The following TRAF5 variants were observed in gnomAD, a reference collection of about 807,000 sequenced individuals.
TRAF5 encodes TNF receptor associated factor 5.
Under a neutral mutation model 64.5 loss-of-function variants are expected in TRAF5, and 48 were observed. That is an observed-to-expected ratio of 0.74 (90% CI 0.59 to 0.95). TRAF5 has a LOEUF of 0.95. Among genes scored for constraint, TRAF5 ranks in the 40% least tolerant of loss-of-function variants. The probability of loss-of-function intolerance (pLI) is 0.00; values close to 1 mark genes in which losing one functional copy is unlikely to be tolerated. For missense variants in TRAF5, 545 were observed against 662.8 expected (o/e 0.82, Z 1.95); for synonymous variants, 206 against 240.5 (o/e 0.86, Z 1.33).
intron 1 of TRAF5, among the ~76,000 whole-genome samples, chr1:211,328,709 C>A (rs1702083080): frequency 6.6e-6 from 1 of 152,180 alleles, no homozygotes; most frequent in African/African-American, 2.4e-5. Flanking sequence ...CTTAGACAAA[C>A]CTCCTCTGAT....
intron 9 of TRAF5, among the ~76,000 whole-genome samples, 180 bp downstream of exon 9, chr1:211,369,772 C>T (rs111915480): frequency 9.1e-4 from 139 of 152,238 alleles, no homozygotes; most frequent in African/African-American, 3.1e-3. Context: ...CATTTTGTCC[C>T]GTTTGCTTCA....
At chr1:211,360,454 T>C in intron 5 of TRAF5, 2 of 509,922 alleles carry the variant, frequency 3.9e-6, no homozygotes, top group East Asian at 3.3e-5. Context: ...ATGCTGGCAG[T>C]TCCCCAATCT....
chr1:211,347,067 C>T (rs191473503), intron 1 of TRAF5, among the ~76,000 whole-genome samples: 4 of 152,164 alleles, frequency 2.6e-5, no homozygotes, highest in Admixed American at 6.5e-5. Context: ...GATATATAAG[C>T]TCTATTTTTA....
chr1:211,360,811 A>G (rs1308987201), intron 6 of TRAF5, 32 bp downstream of exon 6: 3 of 1,577,738 alleles, frequency 1.9e-6, no homozygotes, highest in Non-Finnish European at 2.6e-6. Context: ...TGTAGATTTT[A>G]TGGAAGATAA....
At chr1:211,329,553 G>A (rs1702105688) in intron 1 of TRAF5, among the ~76,000 whole-genome samples, 1 of 152,194 alleles carries the variant, frequency 6.6e-6, no homozygotes, top group African/African-American at 2.4e-5. Context: ...CTAATCCCAA[G>A]TCTTCTTTCT....
At chr1:211,349,105 G>T (rs150017779) in intron 1 of TRAF5, among the ~76,000 whole-genome samples, 1 of 152,042 alleles carries the variant, frequency 6.6e-6, no homozygotes, top group East Asian at 1.9e-4. Flanking sequence ...CTACTGGGGA[G>T]GTTTAGGTGG....
Position 211,359,683 on chromosome 1 carries a change from C to T in TRAF5, c.379-229C>T, listed in dbSNP as rs1320256825. 13 of 468,092 alleles carry T rather than the reference C, an allele frequency of 2.8e-5. No individual in the cohort carries two copies. The East Asian group carries it at 3.9e-4, about 14-fold the overall frequency. 29.0% of individuals were successfully genotyped at this position (468,092 alleles called of 1,614,324 possible). A position where few individuals can be genotyped will look rare whatever the true frequency, so the allele number is the denominator to read the frequency against. On this transcript the variant is annotated intron_variant, in intron 4 of 10. Coordinates refer to ENST00000261464, the MANE Select transcript of TRAF5 (RefSeq NM_001033910.3). ...CTTCCCCTGTCCTCTGAATTTCCCC[C>T]AGCCAAGACTGGCTTTCCCATCTCT...
chr1:211,326,874 G>A lies in TRAF5; in HGVS notation c.-17G>A. On this transcript the variant is annotated 5_prime_UTR_variant, in exon 1 of 11. Transcript: ENST00000261464. The surrounding 1 kb of genome is among the most constrained non-coding windows in gnomAD (Gnocchi z 5.0). ...CCTGCAGACCGGCCTCGCGGAGCCCGCGCGCCGAGCCCCACGTGAGTCCGG... is the reference window on the plus strand; with the variant it reads ...CCTGCAGACCGGCCTCGCGGAGCCCACGCGCCGAGCCCCACGTGAGTCCGG... 3 of 985,042 alleles carry A rather than the reference G, an allele frequency of 3.0e-6. No individual in the cohort carries two copies. The highest frequency in any genetic ancestry group is 3.6e-6 in the Non-Finnish European group (3 of 829,542). The allele number at this position is 985,042 out of a possible 1,614,324, so 61.0% of individuals were successfully genotyped here.
Position 211,372,673 on chromosome 1 carries a change from G to A in TRAF5, c.1645G>A (p.Val549Met), listed in dbSNP as rs760764714. 16 of 1,614,040 alleles carry A rather than the reference G, an allele frequency of 9.9e-6. No homozygotes were observed. Among genetic ancestry groups the A allele is most frequent in the South Asian group, 4.4e-5 (4 of 91,088 alleles). ...TGACACTCTGTTCTTGAAAGTGGCC[G>A]TGGACTTAACTGACCTGGAGGATCT... ...KDDTLFLKVA[V>M]DLTDLEDL The change falls in exon 11 of 11, where the codon GTG (valine) becomes ATG (methionine). Residue 549 changes from valine to methionine, a missense_variant. Coordinates refer to ENST00000261464, the MANE Select transcript of TRAF5 (RefSeq NM_001033910.3).
chr1:211,370,073 T>A (rs1448155113), intron 9 of TRAF5, among the ~76,000 whole-genome samples: 1 of 152,196 alleles, frequency 6.6e-6, no homozygotes, highest in Admixed American at 6.5e-5. Context: ...ATTAATCACT[T>A]GATTGCAGAT....
In TRAF5 at chr1:211,372,916, A is replaced by C; in HGVS notation, c.*214A>C. 1 of 420,436 alleles carries C rather than the reference A, an allele frequency of 2.4e-6. No individual in the cohort carries two copies. The highest frequency in any genetic ancestry group is 4.1e-6 in the Non-Finnish European group (1 of 240,990). The allele number at this position is 420,436 out of a possible 1,614,324, so 26.0% of individuals were successfully genotyped here. On this transcript the variant is annotated 3_prime_UTR_variant, in exon 11 of 11. Transcript: ENST00000261464. Reference sequence around the variant, plus strand: ...CTTAAAACTCTTAGAATATTCTCTTATTATTTATATTTTTATATTTCTTGA... The same window carrying C: ...CTTAAAACTCTTAGAATATTCTCTTCTTATTTATATTTTTATATTTCTTGA...
At chr1:211,356,256 G>C in intron 3 of TRAF5, 111 bp from the exon 4 acceptor site, 1 of 750,248 alleles carries the variant, frequency 1.3e-6, no homozygotes, top group Admixed American at 2.4e-5. Flanking sequence ...CTGATGTCTG[G>C]AAGTTTCCAC....
intron 1 of TRAF5, among the ~76,000 whole-genome samples, chr1:211,345,324 G>A (rs528906560): frequency 1.3e-5 from 2 of 152,088 alleles, no homozygotes; most frequent in South Asian, 2.1e-4. Context: ...TCAAAGTGTT[G>A]GGATTACAGG....
chr1:211,368,549 G>T (rs773939329), intron 8 of TRAF5, among the ~76,000 whole-genome samples: 2 of 152,012 alleles, frequency 1.3e-5, no homozygotes, highest in Admixed American at 1.3e-4. Flanking sequence ...GAAAGCTGCT[G>T]TTGCAGCCCA....
chr1:211,360,202 G>T (rs762979026), intron 5 of TRAF5, 126 bp downstream of exon 5: 7 of 1,100,396 alleles, frequency 6.4e-6, no homozygotes, highest in Non-Finnish European at 9.0e-6. Flanking sequence ...TAGGTCTAAA[G>T]AATTTGCTTT....
chr1:211,372,568 G>A lies in TRAF5; in HGVS notation c.1540G>A (p.Glu514Lys). Residue 514 changes from glutamate to lysine, a missense_variant, in exon 11 of 11, where the codon GAG (glutamate) becomes AAG (lysine). By Grantham distance (56) the Glu-to-Lys change is moderately conservative (BLOSUM62 1). Transcript: ENST00000261464. Reference protein sequence around the residue: ...NSSSFKRPDGEMNIASGCPRF... With the variant: ...NSSSFKRPDGKMNIASGCPRF... ...CAGCAGCTTTAAAAGACCTGATGGG[G>A]AGATGAACATTGCATCTGGCTGTCC... 6.2e-7 allele frequency: 1 copy of A among 1,614,176 alleles called. No homozygotes were observed. The highest frequency in any genetic ancestry group is 8.5e-7 in the Non-Finnish European group (1 of 1,180,020).
upstream of TRAF5, chr1:211,326,826 C>G: frequency 1.0e-6 from 1 of 984,478 alleles, no homozygotes; most frequent in South Asian, 4.5e-5. The surrounding 1 kb of genome is among the most constrained non-coding windows in gnomAD (Gnocchi z 5.0). Context: ...CGCCGCCGGC[C>G]GCAGCCAGGA....
intron 1 of TRAF5, among the ~76,000 whole-genome samples, chr1:211,337,673 G>C (rs1185254687): frequency 6.6e-6 from 1 of 152,212 alleles, no homozygotes; most frequent in African/African-American, 2.4e-5. Context: ...TGATTATGCT[G>C]ACAGTGGCGA....
intron 7 of TRAF5, 67 bp downstream of exon 7, chr1:211,361,229 ACT>A (rs1232817395): frequency 3.5e-6 from 5 of 1,411,120 alleles, no homozygotes; most frequent in Non-Finnish European, 5.0e-6. Context: ...AGTTCAGTTT[ACT>A]CTCTGTTCCA....
Sources: gnomAD v4.1 joint callset for allele counts (sites outside exome capture counted in the v4.1 genomes callset) on GRCh38, gnomAD v4.1.1 for gene constraint, Gnocchi (gnomAD v3.1) non-coding constraint, MANE v1.5 for transcripts, NCBI Gene and HGNC (gene_info 2026-07-23, HGNC 2026-07-21) for gene names.